CNTN3: variants seen among roughly 807,000 people sequenced by gnomAD.
CNTN3 encodes contactin-3.
In CNTN3, 60 loss-of-function variants were observed where a neutral mutation model predicts 119.1. That is an observed-to-expected ratio of 0.50 (90% CI 0.41 to 0.62). CNTN3 has a LOEUF of 0.62. CNTN3 is among the 20% of genes least tolerant of loss of function. The pLI, the probability that CNTN3 is intolerant of heterozygous loss-of-function variation, is 0.00. For missense variants in CNTN3, 1,101 were observed against 1,242.4 expected, an observed-to-expected ratio of 0.89 and a Z score of 1.71; for synonymous variants, 450 against 438.7, an observed-to-expected ratio of 1.03 and a Z score of -0.32.
intron 1 of CNTN3, among the ~76,000 whole-genome samples, chr3:74,540,331 C>T (rs945087633): frequency 2.0e-5 from 3 of 152,060 alleles, no homozygotes; most frequent in African/African-American, 4.8e-5. Flanking sequence ...TAGTGCTTAA[C>T]GGTTAATATT....
chr3:74,613,205 T>A (rs1487030581), intron 1 of CNTN3, among the ~76,000 whole-genome samples: 1 of 152,190 alleles, frequency 6.6e-6, no homozygotes, highest in Admixed American at 6.5e-5. Context: ...GGATTCTTTT[T>A]CAGCTAGTGT....
chr3:74,614,474 GC>G lies in CNTN3; in HGVS notation c.-165del, dbSNP rs1705139331. 6.8e-6 allele frequency among the ~76,000 whole-genome samples: 1 copy of G among 146,632 alleles called. No homozygotes were observed. The highest frequency in any genetic ancestry group is 1.5e-5 in the Non-Finnish European group (1 of 66,118). ...CGCCGCCGCCGCCGCCACCGCCGCC[GC>G]CGCAGTTAGTCCGGGCCCGGGGGGC... is the stretch of plus-strand genomic sequence containing the variant. On this transcript the variant is annotated 5_prime_UTR_variant, in exon 1 of 23. Coordinates refer to ENST00000263665, the MANE Select transcript of CNTN3 (RefSeq NM_020872.3).
chr3:74,463,981 A>G (rs1001427463), intron 4 of CNTN3, among the ~76,000 whole-genome samples: 5 of 152,184 alleles, frequency 3.3e-5, no homozygotes, highest in African/African-American at 1.2e-4. Flanking sequence ...GGCATTCCTC[A>G]GGAACCCTTT....
intron 11 of CNTN3, among the ~76,000 whole-genome samples, chr3:74,349,272 C>T (rs775976694): frequency 6.6e-6 from 1 of 152,120 alleles, no homozygotes; most frequent in African/African-American, 2.4e-5. Flanking sequence ...AGATGGTCTT[C>T]TACACAAACA....
At chr3:74,373,035 T>A (rs768156203) in intron 5 of CNTN3, among the ~76,000 whole-genome samples, 2 of 152,202 alleles carry the variant, frequency 1.3e-5, no homozygotes, top group Non-Finnish European at 2.9e-5. Context: ...AAACATTGGT[T>A]TTAACCTCAA....
chr3:74,411,071 A>C (rs1701430618), intron 5 of CNTN3, among the ~76,000 whole-genome samples: 1 of 151,576 alleles, frequency 6.6e-6, no homozygotes, highest in Non-Finnish European at 1.5e-5. Flanking sequence ...TGCTTCCTCC[A>C]TCCATCCCTT....
At chr3:74,415,152 C>T (rs144824685) in intron 5 of CNTN3, among the ~76,000 whole-genome samples, 166 of 152,142 alleles carry the variant, frequency 1.1e-3, no homozygotes, top group Non-Finnish European at 2.1e-3. Flanking sequence ...CAAGAAGACT[C>T]GTACGTCTTT....
chr3:74,493,641 A>G (rs1040975250), intron 3 of CNTN3, among the ~76,000 whole-genome samples: 5 of 152,164 alleles, frequency 3.3e-5, no homozygotes, highest in African/African-American at 1.2e-4. Context: ...ATTTAATCAC[A>G]GAAGCAATTT....
chr3:74,361,619 G>A (rs1704074373), intron 11 of CNTN3, among the ~76,000 whole-genome samples: 1 of 152,114 alleles, frequency 6.6e-6, no homozygotes. Context: ...CATTCTGGTT[G>A]AGTCTTCCCA....
chr3:74,516,523 C>A (rs1174083898), intron 2 of CNTN3, among the ~76,000 whole-genome samples: 2 of 150,790 alleles, frequency 1.3e-5, no homozygotes, highest in Non-Finnish European at 2.9e-5. Context: ...ACATAACATA[C>A]CAAATATGTG....
rs1575830186 is a variant in CNTN3, at chr3:74,560,737, T to C, written c.-80-39545A>G. 2.0e-5 allele frequency among the ~76,000 whole-genome samples: 3 copies of C among 152,052 alleles called. No individual in the cohort carries two copies. In the South Asian group the frequency reaches 6.2e-4, roughly 32 times the overall value. On this transcript the variant is annotated intron_variant, in intron 1 of 22. Coordinates refer to ENST00000263665, the MANE Select transcript of CNTN3 (RefSeq NM_020872.3). ...GACACATGCACACATATGTTTATTG[T>C]GGCACTACTCACAATAGCAAAGACT...
In CNTN3 at chr3:74,458,662, G is replaced by T. The variant is rs75560427; in HGVS notation, c.358+27794C>A. 1.9e-3 allele frequency among the ~76,000 whole-genome samples: 283 copies of T among 152,094 alleles called. 2 individuals are homozygous for T. In the East Asian group the frequency reaches 0.031, roughly 16 times the overall value. On this transcript the variant is annotated intron_variant, in intron 4 of 22. Transcript: ENST00000263665. The stretch of plus-strand genomic sequence containing the variant: ...ATAACAGAACTACAGAGATGGAGAA[G>T]AGATCAGAGGTTATTAAAGGTAAGG...
chr3:74,505,461 T>C (rs1372862301), intron 2 of CNTN3, among the ~76,000 whole-genome samples: 1 of 151,460 alleles, frequency 6.6e-6, no homozygotes, highest in Non-Finnish European at 1.5e-5. Context: ...TGTGTGTGTG[T>C]GTGTGTGTGT....
chr3:74,499,529 C>G (rs1342917027), intron 3 of CNTN3, 130 bp downstream of exon 3: 3 of 744,530 alleles, frequency 4.0e-6, no homozygotes, highest in Non-Finnish European at 6.3e-6. Flanking sequence ...TTGAATATAT[C>G]ATACAACTAT....
chr3:74,425,430 G>A (rs953562379), intron 4 of CNTN3, among the ~76,000 whole-genome samples: 4 of 152,122 alleles, frequency 2.6e-5, no homozygotes, highest in African/African-American at 4.8e-5. Flanking sequence ...AGAAAAGCTG[G>A]ATTCTGATTT....
At chr3:74,585,376 A>G (rs1010118931) in intron 1 of CNTN3, among the ~76,000 whole-genome samples, 3 of 152,116 alleles carry the variant, frequency 2.0e-5, no homozygotes, top group African/African-American at 7.2e-5. Context: ...ATAAGCCCAA[A>G]CTCCATGGAT....
At chr3:74,341,266 C>A (rs903815137) in intron 11 of CNTN3, among the ~76,000 whole-genome samples, 3 of 152,010 alleles carry the variant, frequency 2.0e-5, no homozygotes, top group African/African-American at 7.2e-5. Context: ...CAACAGAAAA[C>A]CTTCAATAAC....
At chr3:74,529,720 T>A (rs1703667919) in intron 1 of CNTN3, among the ~76,000 whole-genome samples, 1 of 151,990 alleles carries the variant, frequency 6.6e-6, no homozygotes, top group Non-Finnish European at 1.5e-5. Flanking sequence ...GTGAAAAATC[T>A]GTAAACAATA....
chr3:74,278,152 G>A (rs531390723), intron 20 of CNTN3, among the ~76,000 whole-genome samples: 2 of 152,150 alleles, frequency 1.3e-5, no homozygotes, highest in African/African-American at 2.4e-5. Flanking sequence ...CATGCTCACG[G>A]ATGGGTAGAA....
Sources: gnomAD v4.1 joint callset for allele counts (sites outside exome capture counted in the v4.1 genomes callset) on GRCh38, gnomAD v4.1.1 for gene constraint, MANE v1.5 for transcripts, NCBI Gene and HGNC (gene_info 2026-07-23, HGNC 2026-07-21) for gene names.